Variants in RIMS2 observed in about 807,000 individuals in gnomAD.
RIMS2 encodes the protein regulating synaptic membrane exocytosis 2, also known as regulating synaptic membrane exocytosis protein 2.
A neutral mutation model predicts 174.4 loss-of-function variants in RIMS2; 59 were observed. That is an observed-to-expected ratio of 0.34 (90% confidence interval 0.27 to 0.42). RIMS2 has a LOEUF of 0.42. RIMS2 is among the 10% of genes least tolerant of loss of function. RIMS2 has a pLI of 1.00. For missense variants in RIMS2, 1,620 were observed against 1,666.3 expected (o/e 0.97, Z 0.48); for synonymous variants, 606 against 572.5 (o/e 1.06, Z -0.84).
exon 22 of RIMS2, chr8:104,249,495 C>G: frequency 1.3e-6 from 2 of 1,589,586 alleles, no homozygotes; most frequent in East Asian, 2.2e-5. Context: ...AGGTGACATT[C>G]AGGTAGGAAT....
At chr8:103,620,606 A>G (rs1376821207) in intron 1 of RIMS2, among the ~76,000 whole-genome samples, 5 of 152,152 alleles carry the variant, frequency 3.3e-5, no homozygotes, top group African/African-American at 9.6e-5. Flanking sequence ...CTGAGTGCAA[A>G]GAGAATGGGC....
chr8:103,637,388 G>T (rs2096113495), intron 1 of RIMS2, among the ~76,000 whole-genome samples: 1 of 152,026 alleles, frequency 6.6e-6, no homozygotes, highest in Admixed American at 6.5e-5. Flanking sequence ...TTCTAGTTTT[G>T]TTATCAGAGT....
At chr8:103,984,027 T>A (rs1041632503) in intron 16 of RIMS2, among the ~76,000 whole-genome samples, 1 of 150,998 alleles carries the variant, frequency 6.6e-6, no homozygotes, top group Non-Finnish European at 1.5e-5. Context: ...CAAAAAAAAA[T>A]AGCAGGCGTG....
At chr8:103,809,619 C>T (rs1274354210) in intron 3 of RIMS2, among the ~76,000 whole-genome samples, 1 of 152,048 alleles carries the variant, frequency 6.6e-6, no homozygotes, top group Non-Finnish European at 1.5e-5. Context: ...TTTATTCTCC[C>T]AATACCTGCA....
chr8:103,871,810 T>A (rs2099113685), intron 3 of RIMS2, among the ~76,000 whole-genome samples: 1 of 152,148 alleles, frequency 6.6e-6, no homozygotes, highest in African/African-American at 2.4e-5. Context: ...TTAGTTCTTT[T>A]GGGAAGTAAA....
At chr8:103,569,582 A>G (rs1437277826) in intron 1 of RIMS2, among the ~76,000 whole-genome samples, 1 of 151,844 alleles carries the variant, frequency 6.6e-6, no homozygotes, top group South Asian at 2.1e-4. Context: ...CACTGCTTTT[A>G]TTAAATTTGT....
At chr8:103,641,612 G>A (rs981381110) in intron 1 of RIMS2, among the ~76,000 whole-genome samples, 4 of 152,078 alleles carry the variant, frequency 2.6e-5, no homozygotes, top group African/African-American at 9.7e-5. Context: ...GTGTTGGGAA[G>A]TAGAGCCTAA....
intron 3 of RIMS2, among the ~76,000 whole-genome samples, chr8:103,776,111 T>C (rs1480954639): frequency 6.6e-6 from 1 of 152,162 alleles, no homozygotes; most frequent in African/African-American, 2.4e-5. Flanking sequence ...AAGGTCTCCA[T>C]TTTGTACTTA....
At chr8:103,678,446 T>C (rs1312566495) in intron 1 of RIMS2, among the ~76,000 whole-genome samples, 1 of 152,152 alleles carries the variant, frequency 6.6e-6, no homozygotes, top group African/African-American at 2.4e-5. Context: ...AAATGTCATA[T>C]AATACAGTGC....
chr8:103,862,257 A>G (rs1175705033), intron 3 of RIMS2, among the ~76,000 whole-genome samples: 2 of 151,766 alleles, frequency 1.3e-5, no homozygotes, highest in Non-Finnish European at 3.0e-5. Flanking sequence ...GTTTATTTTT[A>G]TTGATTTTGT....
intron 1 of RIMS2, among the ~76,000 whole-genome samples, chr8:103,596,785 A>G (rs989706974): frequency 2.1e-5 from 3 of 143,584 alleles, no homozygotes; most frequent in South Asian, 2.1e-4. Flanking sequence ...TAAAATAATA[A>G]TAAGAAAAAA....
chr8:103,598,901 CTTTA>C (rs947193956), intron 1 of RIMS2, among the ~76,000 whole-genome samples: 3 of 151,410 alleles, frequency 2.0e-5, no homozygotes, highest in Admixed American at 1.3e-4. Flanking sequence ...TAGATAGGAT[CTTTA>C]TTTTTTTTTT....
intron 3 of RIMS2, among the ~76,000 whole-genome samples, chr8:103,810,646 G>A (rs2098681036): frequency 6.6e-6 from 1 of 152,004 alleles, no homozygotes; most frequent in Non-Finnish European, 1.5e-5. Flanking sequence ...TATACATATA[G>A]ATACTAAAAA....
chr8:103,674,872 A>G (rs936983880), intron 1 of RIMS2, among the ~76,000 whole-genome samples: 6 of 151,844 alleles, frequency 4.0e-5, no homozygotes, highest in South Asian at 2.1e-4. Flanking sequence ...TAAAAGTAAG[A>G]TGCCAAAGTA....
At chr8:104,132,416 A>AT (rs2098480622) in intron 19 of RIMS2, among the ~76,000 whole-genome samples, 1 of 152,186 alleles carries the variant, frequency 6.6e-6, no homozygotes, top group Non-Finnish European at 1.5e-5. Context: ...TCTAGAGCTA[A>AT]TGTTGGAACT....
At chr8:103,757,621 T>G (rs1290886943) in intron 2 of RIMS2, among the ~76,000 whole-genome samples, 1 of 152,176 alleles carries the variant, frequency 6.6e-6, no homozygotes, top group Non-Finnish European at 1.5e-5. Context: ...CTGAAACCTA[T>G]GAATGTTATC....
At chr8:103,592,153 G>A (rs1343986437) in intron 1 of RIMS2, among the ~76,000 whole-genome samples, 2 of 151,068 alleles carry the variant, frequency 1.3e-5, no homozygotes, top group South Asian at 2.1e-4. Flanking sequence ...TTGAGAAATT[G>A]TTTTAGGTTA....
intron 17 of RIMS2, among the ~76,000 whole-genome samples, chr8:104,010,175 A>G (rs1029546485): frequency 6.6e-6 from 1 of 152,280 alleles, no homozygotes; most frequent in African/African-American, 2.4e-5. Context: ...CCTAAAGTAC[A>G]TCGCAAAACT....
chr8:104,124,733 T>C (rs1269002635), intron 19 of RIMS2, among the ~76,000 whole-genome samples: 4 of 152,312 alleles, frequency 2.6e-5, no homozygotes, highest in Admixed American at 2.0e-4. Context: ...AGTGCTTGGC[T>C]TTTTGCCCAG....
Sources: allele counts gnomAD v4.1 joint callset (sites outside exome capture counted in the v4.1 genomes callset), GRCh38; gene constraint gnomAD v4.1.1; transcripts MANE v1.5; gene names NCBI Gene and HGNC (gene_info 2026-07-23, HGNC 2026-07-21).